SPTLC1: variants seen among roughly 807,000 people sequenced by gnomAD.
The protein encoded by SPTLC1 is serine palmitoyltransferase 1.
A neutral mutation model predicts 68.9 loss-of-function variants in SPTLC1; 55 were observed. The ratio of observed to expected loss-of-function variants is 0.80; its 90% CI spans 0.64 to 1.00. The LOEUF (loss-of-function observed/expected upper bound fraction) is 1.00, where lower values mean the gene tolerates loss of function less well. Among genes scored for constraint, SPTLC1 ranks in the 50% least tolerant of loss-of-function variants. SPTLC1 has a pLI of 0.00. For missense variants in SPTLC1, 449 were observed against 573.1 expected, an observed-to-expected ratio of 0.78 and a Z score of 2.21; for synonymous variants, 197 against 201.6, an observed-to-expected ratio of 0.98 and a Z score of 0.19.
At chr9:92,104,747 G>C in intron 3 of SPTLC1, 1 of 1,533,472 alleles carries the variant, frequency 6.5e-7, no homozygotes, top group Non-Finnish European at 8.7e-7. Context: ...TAGCAATGGG[G>C]AAGCAGCTTC....
chr9:92,069,431 C>A (rs189601999), intron 5 of SPTLC1, among the ~76,000 whole-genome samples: 2 of 152,094 alleles, frequency 1.3e-5, no homozygotes, highest in Admixed American at 6.5e-5. Flanking sequence ...ATTAAATAAA[C>A]GTAGGACTTT....
At chr9:92,045,401 A>G (rs1206016161) in intron 12 of SPTLC1, among the ~76,000 whole-genome samples, 1 of 150,922 alleles carries the variant, frequency 6.6e-6, no homozygotes, top group Non-Finnish European at 1.5e-5. Flanking sequence ...CTTCTAGATG[A>G]CAAGTTAGTG....
Position 92,106,919 on chromosome 9 carries a change from CCCT to C in SPTLC1, c.260+1818_260+1820del, listed in dbSNP as rs201551024. Among the ~76,000 whole-genome samples the C allele has an allele frequency of 8.4e-3, 1,274 of 152,258 alleles. 14 individuals carry two copies. The Middle Eastern group carries it at 0.11, about 13-fold the overall frequency. On this transcript the variant is annotated intron_variant, in intron 3 of 14. Transcript: ENST00000262554. ...TGCATTCCTCTCCTCCTCTTTCCTC[CCCT>C]CCTCCTCTTCCAGCAACTTTACTAT... is the stretch of plus-strand genomic sequence containing the variant.
At chr9:92,102,751 A>T (rs1835802674) in intron 3 of SPTLC1, among the ~76,000 whole-genome samples, 1 of 152,204 alleles carries the variant, frequency 6.6e-6, no homozygotes, top group African/African-American at 2.4e-5. Flanking sequence ...GAAACAAAAG[A>T]TCTACAAAAC....
chr9:92,076,027 C>G (rs1341976393), intron 5 of SPTLC1, among the ~76,000 whole-genome samples: 1 of 152,198 alleles, frequency 6.6e-6, no homozygotes, highest in Non-Finnish European at 1.5e-5. Context: ...TTGTGTCTCA[C>G]TCATCTATCA....
chr9:92,095,120 G>A (rs1835485447), intron 3 of SPTLC1, among the ~76,000 whole-genome samples: 1 of 147,340 alleles, frequency 6.8e-6, no homozygotes, highest in Non-Finnish European at 1.5e-5. Flanking sequence ...TGGGAATCCA[G>A]TAAAAAAACA....
At chr9:92,098,817 T>C (rs1835637930) in intron 3 of SPTLC1, among the ~76,000 whole-genome samples, 2 of 152,182 alleles carry the variant, frequency 1.3e-5, no homozygotes, top group African/African-American at 4.8e-5. Context: ...CTCAAGCTAA[T>C]GGTGATGGGA....
rs1832984801 is a variant in SPTLC1, at chr9:92,032,207, T to C, written c.*258A>G. ...CATTTAAATAGTACTAAATGCACAA[T>C]TTAAACATCAGTTATACACTGTCAT... On this transcript the variant is annotated 3_prime_UTR_variant, in exon 15 of 15. Transcript: ENST00000262554. The C allele has an allele frequency of 1.5e-6, 2 of 1,315,922 alleles. No individual in the cohort carries two copies. Among genetic ancestry groups the C allele is most frequent in the Middle Eastern group, 2.5e-4 (1 of 4,046 alleles). 81.5% of individuals were successfully genotyped at this position (1,315,922 alleles called of 1,614,324 possible). A position where few individuals can be genotyped will look rare whatever the true frequency, so the allele number is the denominator to read the frequency against.
chr9:92,038,879 G>C (rs1346205597), intron 12 of SPTLC1, among the ~76,000 whole-genome samples: 2 of 152,166 alleles, frequency 1.3e-5, no homozygotes, highest in South Asian at 4.1e-4. Context: ...ATGCTTCCTT[G>C]CTTATTATCT....
At chr9:92,106,548 G>A (rs1265709956) in intron 3 of SPTLC1, among the ~76,000 whole-genome samples, 1 of 150,820 alleles carries the variant, frequency 6.6e-6, no homozygotes, top group African/African-American at 2.4e-5. Context: ...CTCCACACCT[G>A]CTGAGACTCC....
chr9:92,092,258 G>A (rs561226730), intron 3 of SPTLC1, among the ~76,000 whole-genome samples: 66 of 152,266 alleles, frequency 4.3e-4, no homozygotes, highest in African/African-American at 1.6e-3. Flanking sequence ...TAAAGCAAGT[G>A]TCAACAAGAG....
intron 13 of SPTLC1, among the ~76,000 whole-genome samples, chr9:92,037,312 G>A (rs1587903125): frequency 6.6e-6 from 1 of 152,220 alleles, no homozygotes; most frequent in Non-Finnish European, 1.5e-5. Flanking sequence ...TAGTAGCATT[G>A]CTCATAGCTA....
chr9:92,090,682 A>C (rs550921208), intron 3 of SPTLC1, among the ~76,000 whole-genome samples: 198 of 151,918 alleles, frequency 1.3e-3, no homozygotes, highest in African/African-American at 4.5e-3. Context: ...AGAATAAGGG[A>C]AGTCTAATCA....
chr9:92,097,500 A>C (rs1835574097), intron 3 of SPTLC1, among the ~76,000 whole-genome samples: 1 of 152,246 alleles, frequency 6.6e-6, no homozygotes, highest in African/African-American at 2.4e-5. Flanking sequence ...TTTGGTGATA[A>C]AATGAAGTAC....
intron 3 of SPTLC1, among the ~76,000 whole-genome samples, chr9:92,088,725 T>G (rs1835249583): frequency 6.6e-6 from 1 of 152,154 alleles, no homozygotes; most frequent in Non-Finnish European, 1.5e-5. Flanking sequence ...CAGCATGATG[T>G]GATGTAGGGA....
intron 12 of SPTLC1, among the ~76,000 whole-genome samples, chr9:92,039,198 A>G (rs1191370148): frequency 2.0e-5 from 3 of 152,174 alleles, no homozygotes; most frequent in African/African-American, 4.8e-5. Context: ...ACTAACAGCA[A>G]TATGTTTAGA....
chr9:92,050,798 C>A (rs1240161178), intron 8 of SPTLC1, among the ~76,000 whole-genome samples: 2 of 133,006 alleles, frequency 1.5e-5, no homozygotes, highest in African/African-American at 3.0e-5. Context: ...TAACAAAAGA[C>A]AGCACAATAC....
At chr9:92,093,546 C>T (rs762424305) in intron 3 of SPTLC1, among the ~76,000 whole-genome samples, 4 of 151,910 alleles carry the variant, frequency 2.6e-5, no homozygotes, top group East Asian at 1.9e-4. Context: ...AAAAACTCAA[C>T]GAAATCAACA....
intron 12 of SPTLC1, among the ~76,000 whole-genome samples, chr9:92,045,676 G>A (rs1417561309): frequency 6.6e-6 from 1 of 152,072 alleles, no homozygotes; most frequent in Non-Finnish European, 1.5e-5. Flanking sequence ...CCCTGTGTGT[G>A]CAGACATGGA....
Sources: allele counts gnomAD v4.1 joint callset (sites outside exome capture counted in the v4.1 genomes callset), GRCh38; gene constraint gnomAD v4.1.1; transcripts MANE v1.5; gene names NCBI Gene and HGNC (gene_info 2026-07-23, HGNC 2026-07-21).